The following FIG4 variants were observed in gnomAD, a reference collection of about 807,000 sequenced individuals.
FIG4 encodes the protein polyphosphoinositide phosphatase.
In FIG4, 112 loss-of-function variants were observed where a neutral mutation model predicts 118.6. The ratio of observed to expected loss-of-function variants is 0.94; its 90% CI spans 0.81 to 1.11. The LOEUF is 1.11. Ranked by LOEUF, FIG4 falls within the 50% of genes least tolerant of loss-of-function variation. The probability of loss-of-function intolerance (pLI) is 0.00; values close to 1 mark genes in which losing one functional copy is unlikely to be tolerated. For synonymous variants in FIG4, 369 were observed against 381.2 expected (o/e 0.97, Z 0.37); for missense variants, 969 against 1,111.7 (o/e 0.87, Z 1.83).
At chr6:109,780,078 C>CTTAACTGGTCTCATTCTG (rs1303148924) in intron 16 of FIG4, among the ~76,000 whole-genome samples, 1 of 152,242 alleles carries the variant, frequency 6.6e-6, no homozygotes, top group Admixed American at 6.5e-5. Flanking sequence ...GGGCAAGTCA[C>CTTAACTGGTCTCATTCTG]TTAACTGGTC....
chr6:109,779,521 G>A (rs538001865), intron 16 of FIG4, among the ~76,000 whole-genome samples: 42 of 152,284 alleles, frequency 2.8e-4, no homozygotes, highest in African/African-American at 1.0e-3. Flanking sequence ...AAATAAAATT[G>A]TATCTAAGTA....
In FIG4 at chr6:109,824,964, C is replaced by T. The variant is rs1352932384; in HGVS notation, c.2547-124C>T. On this transcript the variant is annotated intron_variant, in intron 22 of 22. Coordinates refer to ENST00000230124, the MANE Select transcript of FIG4 (RefSeq NM_014845.6). ...GCAAGGACTGGGGAGGTCATCCCAGCAGCTTGTCAAAAGTCAGCCTGCTTA... is the reference window on the plus strand; with the variant it reads ...GCAAGGACTGGGGAGGTCATCCCAGTAGCTTGTCAAAAGTCAGCCTGCTTA... 8 of 873,590 alleles carry T rather than the reference C, an allele frequency of 9.2e-6. No homozygotes were observed. In the African/African-American group the frequency reaches 1.3e-4, roughly 14 times the overall value. The allele number at this position is 873,590 out of a possible 1,614,324, so 54.1% of individuals were successfully genotyped here.
At chr6:109,782,647 G>T (rs1450284275) in intron 16 of FIG4, among the ~76,000 whole-genome samples, 1 of 152,102 alleles carries the variant, frequency 6.6e-6, no homozygotes, top group Non-Finnish European at 1.5e-5. Context: ...TTACTCGTCT[G>T]CCAGTGTTAG....
intron 15 of FIG4, among the ~76,000 whole-genome samples, chr6:109,768,026 A>ACAG (rs991315665): frequency 2.0e-5 from 3 of 152,192 alleles, no homozygotes; most frequent in Admixed American, 6.5e-5. Context: ...GGACTGTTGC[A>ACAG]CAGCAGATCT....
At chr6:109,720,956 G>A (rs1443700217) in intron 3 of FIG4, among the ~76,000 whole-genome samples, 2 of 151,980 alleles carry the variant, frequency 1.3e-5, no homozygotes, top group East Asian at 3.9e-4. Flanking sequence ...TGGTCCTAGG[G>A]CACATGAATG....
intron 5 of FIG4, 21 bp downstream of exon 5, chr6:109,732,708 G>A (rs916774005): frequency 1.4e-6 from 2 of 1,473,664 alleles, no homozygotes; most frequent in Admixed American, 1.7e-5. Flanking sequence ...GGTTAGTTTT[G>A]CTCCTATCAA....
In FIG4 at chr6:109,760,396, C is replaced by A; in HGVS notation, c.1271+13C>A. ...AGTATACCAAAAGGTGAATGATACT[C>A]ATCTGTCTGGCTATGATCGTTTCCT... On this transcript the variant is annotated intron_variant, in intron 11 of 22. Coordinates refer to ENST00000230124, the MANE Select transcript of FIG4 (RefSeq NM_014845.6). 1 of 1,607,390 alleles carries A rather than the reference C, an allele frequency of 6.2e-7. No homozygotes were observed. Among genetic ancestry groups the A allele is most frequent in the Non-Finnish European group, 8.5e-7 (1 of 1,174,284 alleles).
chr6:109,716,399 CTAAAGTT>C (rs1562643058), intron 2 of FIG4, 39 bp from the exon 3 acceptor site: 1 of 1,604,632 alleles, frequency 6.2e-7, no homozygotes, highest in Non-Finnish European at 8.5e-7. Flanking sequence ...AATAAATAAT[CTAAAGTT>C]TAAGCACAAC....
chr6:109,729,020 A>T (rs1168112375), intron 4 of FIG4, among the ~76,000 whole-genome samples: 1 of 152,174 alleles, frequency 6.6e-6, no homozygotes, highest in Admixed American at 6.6e-5. Context: ...CTGAAGTAAT[A>T]TTACTAATTA....
At chr6:109,797,896 C>CAAA (rs11341028) in intron 22 of FIG4, among the ~76,000 whole-genome samples, 1 of 78,924 alleles carries the variant, frequency 1.3e-5, no homozygotes. Context: ...ACTCCATCTC[C>CAAA]AAAAAAAAAA....
intron 16 of FIG4, among the ~76,000 whole-genome samples, chr6:109,778,528 A>G (rs967667362): frequency 6.6e-6 from 1 of 151,594 alleles, no homozygotes; most frequent in South Asian, 2.1e-4. Flanking sequence ...GTCTGTGCTA[A>G]TTGTGTGTAT....
At chr6:109,810,384 G>A (rs77886821) in intron 22 of FIG4, among the ~76,000 whole-genome samples, 2 of 152,274 alleles carry the variant, frequency 1.3e-5, no homozygotes, top group East Asian at 1.9e-4. Context: ...CATTCCTTCC[G>A]CTGCTGAGCT....
chr6:109,760,400 T>A lies in FIG4; in HGVS notation c.1271+17T>A. 1.2e-6 allele frequency: 2 copies of A among 1,604,836 alleles called. No homozygotes were observed. Among genetic ancestry groups the A allele is most frequent in the Non-Finnish European group, 1.7e-6 (2 of 1,172,008 alleles). Reference sequence around the variant, plus strand: ...TACCAAAAGGTGAATGATACTCATCTGTCTGGCTATGATCGTTTCCTTTTC... The same window carrying A: ...TACCAAAAGGTGAATGATACTCATCAGTCTGGCTATGATCGTTTCCTTTTC... On this transcript the variant is annotated intron_variant, in intron 11 of 22. Coordinates refer to ENST00000230124, the MANE Select transcript of FIG4 (RefSeq NM_014845.6).
rs541308649 is a variant in FIG4, at chr6:109,769,852, G to A, written c.1750+2957G>A. 6.6e-5 allele frequency among the ~76,000 whole-genome samples: 10 copies of A among 152,260 alleles called. 1 individual carries two copies. The East Asian group carries it at 1.2e-3, about 18-fold the overall frequency. ...CAGGATCCCCTGAGCCCAGGAGTTC[G>A]AGGCTGCAGTGAACTATGATCATTC... On this transcript the variant is annotated intron_variant, in intron 15 of 22. Transcript: ENST00000230124.
At chr6:109,786,922 G>A (rs184866930) in intron 18 of FIG4, among the ~76,000 whole-genome samples, 5 of 151,914 alleles carry the variant, frequency 3.3e-5, no homozygotes, top group Middle Eastern at 3.2e-3. Context: ...ACACACACAC[G>A]CCCCGCAAGT....
At chr6:109,777,122 C>A in intron 16 of FIG4, 62 bp downstream of exon 16, 1 of 1,459,470 alleles carries the variant, frequency 6.9e-7, no homozygotes, top group Non-Finnish European at 9.5e-7. Context: ...ATATGAGATA[C>A]TTTTCATTTT....
chr6:109,756,348 TTC>T (rs1343114405), intron 10 of FIG4, among the ~76,000 whole-genome samples: 1 of 152,314 alleles, frequency 6.6e-6, no homozygotes, highest in Admixed American at 6.5e-5. Flanking sequence ...AACCTGACCT[TTC>T]TCTCTGGCTG....
chr6:109,763,851 C>A (rs1777186329), intron 12 of FIG4, 86 bp from the exon 13 acceptor site: 1 of 919,998 alleles, frequency 1.1e-6, no homozygotes. Context: ...TACTTTAATT[C>A]TATGATTCTT....
At position 109,811,347 on chromosome 6, in the gene FIG4, G is replaced by A. The variant is rs6941819; in HGVS notation, c.2547-13741G>A. Among the ~76,000 whole-genome samples, 1,086 of 152,224 alleles carry A rather than the reference G, an allele frequency of 7.1e-3. 18 individuals are homozygous for A. Among genetic ancestry groups the A allele is most frequent in the African/African-American group, 0.025 (1,053 of 41,528 alleles). On this transcript the variant is annotated intron_variant, in intron 22 of 22. Transcript: ENST00000230124. ...AAAGTCCTGGGTATCCATTACTCGA[G>A]TACTCAAGCAGAGGCAGATGACCTT...
Sources: gnomAD v4.1 joint callset for allele counts (sites outside exome capture counted in the v4.1 genomes callset) on GRCh38, gnomAD v4.1.1 for gene constraint, MANE v1.5 for transcripts, NCBI Gene and HGNC (gene_info 2026-07-23, HGNC 2026-07-21) for gene names.